The following ZNF662 variants were observed in gnomAD, a reference collection of about 807,000 sequenced individuals.
The protein encoded by ZNF662 is zinc finger protein 662.
In ZNF662, 14 loss-of-function variants were observed where a neutral mutation model predicts 12.4. That is an observed-to-expected ratio of 1.13 (90% CI 0.75 to 1.77). The LOEUF (loss-of-function observed/expected upper bound fraction) is 1.77, where lower values mean the gene tolerates loss of function less well. ZNF662 is among the 40% of genes most tolerant of loss of function. The probability of loss-of-function intolerance (pLI) is 0.00; values close to 1 mark genes in which losing one functional copy is unlikely to be tolerated. For missense variants in ZNF662, 550 were observed against 515.6 expected, an observed-to-expected ratio of 1.07 and a Z score of -0.65; for synonymous variants, 184 against 176.4, an observed-to-expected ratio of 1.04 and a Z score of -0.34.
chr3:42,908,685 T>G, intron 2 of ZNF662, 108 bp from the exon 3 acceptor site: 1 of 1,467,430 alleles, frequency 6.8e-7, no homozygotes, highest in African/African-American at 1.4e-5. Context: ...TTCCTAGTTA[T>G]TTCCGTTTTT....
Position 42,918,025 on chromosome 3 carries a change from G to A in ZNF662, c.*2671G>A, listed in dbSNP as rs576813797. On this transcript the variant is annotated 3_prime_UTR_variant, in exon 5 of 5. Transcript: ENST00000440367. The stretch of plus-strand genomic sequence containing the variant: ...GGAGGCTGAGGCAGGAGAATTGCTT[G>A]AATCTGGGAGGTGGAGGTTGCAGTG... 3.3e-5 allele frequency among the ~76,000 whole-genome samples: 5 copies of A among 152,364 alleles called. No homozygotes were observed. The highest frequency in any genetic ancestry group is 1.2e-4 in the African/African-American group (5 of 41,590).
chr3:42,906,380 C>T lies in ZNF662; in HGVS notation c.-94+212C>T, dbSNP rs999490177. The T allele has an allele frequency of 1.5e-5, 23 of 1,524,398 alleles. No homozygotes were observed. The African/African-American group carries it at 2.8e-4, about 19-fold the overall frequency. The allele number at this position is 1,524,398 out of a possible 1,614,324, so 94.4% of individuals were successfully genotyped here. ...GCGGCCGTGGCGCTGGCGAGCGGGA[C>T]ACGCCTCGGCCTTGTCCTCGAGCTG... On this transcript the variant is annotated intron_variant, in intron 1 of 4. Transcript: ENST00000440367. This position sits in a 1 kb window ranked among gnomAD's most constrained non-coding sequence, Gnocchi z 4.4.
chr3:42,911,552 C>T lies in ZNF662; in HGVS notation c.152-1649C>T, dbSNP rs2088790093. Among the ~76,000 whole-genome samples the T allele has an allele frequency of 2.0e-5, 3 of 152,216 alleles. No individual in the cohort carries two copies. In the South Asian group the frequency reaches 6.2e-4, roughly 31 times the overall value. On this transcript the variant is annotated intron_variant, in intron 3 of 4. Coordinates refer to ENST00000440367, the MANE Select transcript of ZNF662 (RefSeq NM_207404.4). ...TCTGACGTGCAGCTGACTTCCTTGG[C>T]ACATACATGTCCCTACTCAAAGTCC...
At chr3:42,914,296 T>C (rs1272792596) in intron 4 of ZNF662, 31 bp from the exon 5 acceptor site, 1 of 1,549,414 alleles carries the variant, frequency 6.5e-7, no homozygotes. Flanking sequence ...TGGATAATGA[T>C]GACATTTGAA....
At chr3:42,911,912 G>A (rs1559381050) in intron 3 of ZNF662, 1 of 151,988 alleles carries the variant, frequency 6.6e-6, no homozygotes, top group Non-Finnish European at 1.5e-5. Context: ...AGGAGATTAC[G>A]GTTTCCCAGA....
rs1339359900 is a variant in ZNF662, at chr3:42,918,740, C to T, written c.*3386C>T. Among the ~76,000 whole-genome samples, 1 of 152,132 alleles carries T rather than the reference C, an allele frequency of 6.6e-6. No individual in the cohort carries two copies. Among genetic ancestry groups the T allele is most frequent in the Non-Finnish European group, 1.5e-5 (1 of 68,030 alleles). On this transcript the variant is annotated 3_prime_UTR_variant, in exon 5 of 5. Transcript: ENST00000440367. ...AGTGAGATCTCCCTCAGAGGCCTAT[C>T]TAAGGGTCCCTGGTAAAAGGTGGCC...
At chr3:42,912,663 T>TATTTTTTATATATATAAATATATATAG (rs2088829607) in intron 3 of ZNF662, among the ~76,000 whole-genome samples, 1 of 57,092 alleles carries the variant, frequency 1.8e-5, no homozygotes, top group African/African-American at 5.4e-5. Flanking sequence ...AATATATATA[T>TATTTTTTATATATATAAATATATATAG]ATATTTTTTA....
chr3:42,915,367 G>C lies in ZNF662; in HGVS notation c.*13G>C. Reference sequence around the variant, plus strand: ...TCTTGAACATTAGAGAGTGCATAATGGTGATACTTGTTTATAATTCTTATG... The same window carrying C: ...TCTTGAACATTAGAGAGTGCATAATCGTGATACTTGTTTATAATTCTTATG... On this transcript the variant is annotated 3_prime_UTR_variant, in exon 5 of 5. Coordinates refer to ENST00000440367, the MANE Select transcript of ZNF662 (RefSeq NM_207404.4). 6.5e-7 allele frequency: 1 copy of C among 1,528,104 alleles called. No homozygotes were observed. The highest frequency in any genetic ancestry group is 8.8e-7 in the Non-Finnish European group (1 of 1,141,270). 94.7% of individuals were successfully genotyped at this position (1,528,104 alleles called of 1,614,324 possible). A position where few individuals can be genotyped will look rare whatever the true frequency, so the allele number is the denominator to read the frequency against.
At chr3:42,911,469 T>G (rs767402200) in intron 3 of ZNF662, among the ~76,000 whole-genome samples, 1 of 152,190 alleles carries the variant, frequency 6.6e-6, no homozygotes, top group Non-Finnish European at 1.5e-5. Context: ...TCTTTGCTTT[T>G]CTTTGCTTTA....
chr3:42,917,488 T>A lies in ZNF662; in HGVS notation c.*2134T>A, dbSNP rs1251850949. 1.4e-6 allele frequency: 1 copy of A among 701,750 alleles called. No homozygotes were observed. The highest frequency in any genetic ancestry group is 2.6e-6 in the Non-Finnish European group (1 of 384,768). The allele number at this position is 701,750 out of a possible 1,614,324, so 43.5% of individuals were successfully genotyped here. A position where few individuals can be genotyped will look rare whatever the true frequency, so the allele number is the denominator to read the frequency against. On this transcript the variant is annotated 3_prime_UTR_variant, in exon 5 of 5. Transcript: ENST00000440367. The stretch of plus-strand genomic sequence containing the variant: ...CTTCCAGGTGCTACCATATGGAGCC[T>A]AAGGATAAAGCCAATACCAAAGAAA...
In ZNF662 at chr3:42,906,598, AG is replaced by A. The variant is rs2088682477; in HGVS notation, c.-94+431del. Among the ~76,000 whole-genome samples, 1 of 152,112 alleles carries A rather than the reference AG, an allele frequency of 6.6e-6. No individual in the cohort carries two copies. Among genetic ancestry groups the A allele is most frequent in the African/African-American group, 2.4e-5 (1 of 41,416 alleles). On this transcript the variant is annotated intron_variant, in intron 1 of 4. Coordinates refer to ENST00000440367, the MANE Select transcript of ZNF662 (RefSeq NM_207404.4). The surrounding 1 kb of genome is among the most constrained non-coding windows in gnomAD (Gnocchi z 4.4). ...AGCGGAGTCGACACCCCTGGACCTG[AG>A]CCTCAAGGAGAGCAGACGTGCAGCG...
rs1275457059 is a variant in ZNF662 at position 42,906,424 on chromosome 3, C to T, written c.-94+256C>T. Reference sequence around the variant, plus strand: ...CGAGCTGCTCCCGGGACAGCCCGCGCTGCCCCGGGCGCGCCGGGTGAGTGC... The same window carrying T: ...CGAGCTGCTCCCGGGACAGCCCGCGTTGCCCCGGGCGCGCCGGGTGAGTGC... On this transcript the variant is annotated intron_variant, in intron 1 of 4. Coordinates refer to ENST00000440367, the MANE Select transcript of ZNF662 (RefSeq NM_207404.4). The surrounding 1 kb of genome is among the most constrained non-coding windows in gnomAD (Gnocchi z 4.4). 2 of 1,475,924 alleles carry T rather than the reference C, an allele frequency of 1.4e-6. No homozygotes were observed. Among genetic ancestry groups the T allele is most frequent in the Admixed American group, 2.3e-5 (1 of 43,048 alleles). The allele number at this position is 1,475,924 out of a possible 1,614,324, so 91.4% of individuals were successfully genotyped here. A position where few individuals can be genotyped will look rare whatever the true frequency, so the allele number is the denominator to read the frequency against.
intron 3 of ZNF662, among the ~76,000 whole-genome samples, chr3:42,910,029 C>T (rs985246165): frequency 3.3e-5 from 5 of 152,046 alleles, no homozygotes; most frequent in Admixed American, 6.6e-5. Context: ...TGTAGCGAGC[C>T]GAGATCACGC....
rs955017249 is a variant in ZNF662, at chr3:42,915,389, T to C, written c.*35T>C. 2 of 1,515,702 alleles carry C rather than the reference T, an allele frequency of 1.3e-6. No homozygotes were observed. Among genetic ancestry groups the C allele is most frequent in the Non-Finnish European group, 8.8e-7 (1 of 1,132,838 alleles). 93.9% of individuals were successfully genotyped at this position (1,515,702 alleles called of 1,614,324 possible). ...AATGGTGATACTTGTTTATAATTCTTATGCTGCAGGAACCCTAGAGACAAA... is the reference window on the plus strand; with the variant it reads ...AATGGTGATACTTGTTTATAATTCTCATGCTGCAGGAACCCTAGAGACAAA... On this transcript the variant is annotated 3_prime_UTR_variant, in exon 5 of 5. Transcript: ENST00000440367.
intron 3 of ZNF662, among the ~76,000 whole-genome samples, chr3:42,912,671 T>TTTTA (rs2088832002): frequency 2.2e-5 from 1 of 46,074 alleles, no homozygotes; most frequent in Non-Finnish European, 3.5e-5. Context: ...TATATATTTT[T>TTTTA]TATATATATA....
chr3:42,913,824 T>G (rs1242598888), intron 4 of ZNF662, among the ~76,000 whole-genome samples: 1 of 152,180 alleles, frequency 6.6e-6, no homozygotes, highest in Non-Finnish European at 1.5e-5. Context: ...CATGGTTTCA[T>G]GGTGAACTTG....
intron 2 of ZNF662, chr3:42,908,389 G>GTA: frequency 7.6e-7 from 1 of 1,318,202 alleles, no homozygotes; most frequent in Non-Finnish European, 9.7e-7. Context: ...TTGTGTTGTG[G>GTA]GTATAGTGAG....
At chr3:42,909,860 C>T (rs1312652683) in intron 3 of ZNF662, among the ~76,000 whole-genome samples, 2 of 151,768 alleles carry the variant, frequency 1.3e-5, no homozygotes, top group African/African-American at 4.8e-5. Context: ...GCGCTCTTCA[C>T]ATCTCAGATG....
At position 42,915,319 on chromosome 3, in the gene ZNF662, T is replaced by C; in HGVS notation, c.1246T>C (p.Tyr416His). Residue 416 changes from tyrosine (Y) to histidine (H), a missense_variant, in exon 5 of 5, where the codon TAT becomes CAT. By Grantham distance (83) the Tyr-to-His change is moderately conservative (BLOSUM62 2). Transcript: ENST00000440367. Reference protein sequence around the residue: ...HQRRHARDKPYNCQISHLLEH With the variant: ...HQRRHARDKPHNCQISHLLEH ...GAGGCGCCATGCTAGAGACAAACCC[T>C]ATAACTGTCAGATCTCTCACCTTCT... is the stretch of plus-strand genomic sequence containing the variant. 1 of 1,593,916 alleles carries C rather than the reference T, an allele frequency of 6.3e-7. No homozygotes were observed. Among genetic ancestry groups the C allele is most frequent in the Non-Finnish European group, 8.5e-7 (1 of 1,171,552 alleles).
Sources: gnomAD v4.1 joint callset for allele counts (sites outside exome capture counted in the v4.1 genomes callset) on GRCh38, gnomAD v4.1.1 for gene constraint, Gnocchi (gnomAD v3.1) non-coding constraint, MANE v1.5 for transcripts, NCBI Gene and HGNC (gene_info 2026-07-23, HGNC 2026-07-21) for gene names.